The following COL2A1 variants were observed in gnomAD, a reference collection of about 807,000 sequenced individuals.
The protein encoded by COL2A1 is collagen alpha-1(II) chain.
Under a neutral mutation model 204.5 loss-of-function variants are expected in COL2A1, and 28 were observed. The observed-to-expected ratio is 0.14, with a 90% CI of 0.10 to 0.19. COL2A1 has a LOEUF of 0.19. Among genes scored for constraint, COL2A1 ranks in the 10% least tolerant of loss-of-function variants. The pLI, the probability that COL2A1 is intolerant of heterozygous loss-of-function variation, is 1.00. For missense variants in COL2A1, 1,388 were observed against 2,027.5 expected (o/e 0.68, Z 6.06); for synonymous variants, 708 against 718.7 (o/e 0.99, Z 0.24).
At chr12:47,984,414 G>A (rs1031790827) in intron 28 of COL2A1, 132 bp downstream of exon 28, 11 of 964,554 alleles carry the variant, frequency 1.1e-5, no homozygotes, top group Middle Eastern at 4.2e-4. Flanking sequence ...CAGCCAGCAT[G>A]GGGCTCAGCC....
rs765422577 is a variant in COL2A1 at position 47,980,527 on chromosome 12, C to A, written c.2625+27G>T. 4 of 1,566,158 alleles carry A rather than the reference C, an allele frequency of 2.6e-6. No homozygotes were observed. The highest frequency in any genetic ancestry group is 3.5e-6 in the Non-Finnish European group (4 of 1,150,216). On this transcript the variant is annotated intron_variant, in intron 39 of 53. Transcript: ENST00000380518. The surrounding 1 kb of genome is among the most constrained non-coding windows in gnomAD (Gnocchi z 4.5). ...CGCCAGGAGCCCTTCCTTGAGGGAA[C>A]AATTCTTGGAGTGCAGCGTTACCCA...
chr12:47,984,873 C>T, intron 27 of COL2A1, 122 bp downstream of exon 27: 1 of 882,480 alleles, frequency 1.1e-6, no homozygotes, highest in Admixed American at 2.0e-5. Context: ...ACCCATGGCA[C>T]AGGAGCCCCA....
In COL2A1 at chr12:48,004,220, G is replaced by A. The variant is rs1266788333; in HGVS notation, c.85+17C>T. On this transcript the variant is annotated intron_variant, in intron 1 of 53. Transcript: ENST00000380518. ...CATGGAAAGCAGGCAGGCAGGCAGGGGCGGGGGAAGACTTACGGACATCCT... is the reference window on the plus strand; with the variant it reads ...CATGGAAAGCAGGCAGGCAGGCAGGAGCGGGGGAAGACTTACGGACATCCT... 15 of 1,530,188 alleles carry A rather than the reference G, an allele frequency of 9.8e-6. No individual in the cohort carries two copies. Among genetic ancestry groups the A allele is most frequent in the Admixed American group, 2.0e-5 (1 of 50,942 alleles). 94.8% of individuals were successfully genotyped at this position (1,530,188 alleles called of 1,614,324 possible).
intron 16 of COL2A1, among the ~76,000 whole-genome samples, chr12:47,990,445 C>T (rs899923421): frequency 6.6e-6 from 1 of 152,226 alleles, no homozygotes; most frequent in Non-Finnish European, 1.5e-5. Flanking sequence ...AACAGCGAGG[C>T]AACCATGTGG....
At chr12:47,983,216 A>G (rs1335576201) in intron 31 of COL2A1, 79 bp from the exon 32 acceptor site, 8 of 1,536,256 alleles carry the variant, frequency 5.2e-6, no homozygotes, top group African/African-American at 1.4e-5. Flanking sequence ...GCAGGGCTGA[A>G]TATCACTCCT....
intron 11 of COL2A1, 100 bp from the exon 12 acceptor site, chr12:47,994,577 G>T: frequency 4.8e-6 from 6 of 1,262,564 alleles, no homozygotes; most frequent in Non-Finnish European, 6.8e-6. Flanking sequence ...CCATGCCTTT[G>T]CCTACCGGCT....
At chr12:47,977,041 G>C in intron 47 of COL2A1, 61 bp downstream of exon 47, 2 of 1,566,422 alleles carry the variant, frequency 1.3e-6, no homozygotes. Flanking sequence ...CCACCTGGAG[G>C]CTGGCTGCCC....
In COL2A1 at chr12:48,001,612, G is replaced by A. The variant is rs1940237017; in HGVS notation, c.86-1487C>T. On this transcript the variant is annotated intron_variant, in intron 1 of 53. Transcript: ENST00000380518. ...GTGCGGATCAGATTTCCCGGGGAAG[G>A]GCGGCCCGGGAAGCGCCGGCGCAGG... 2.6e-5 allele frequency among the ~76,000 whole-genome samples: 4 copies of A among 152,330 alleles called. No individual in the cohort carries two copies. In the South Asian group the frequency reaches 8.3e-4, roughly 32 times the overall value.
rs1277416658 is a variant in COL2A1, at chr12:47,980,595, C to T, written c.2584G>A (p.Ala862Thr). The change falls in exon 39 of 54, where the codon GCC (alanine) becomes ACC (threonine). Residue 862 changes from alanine to threonine, a missense_variant. Ala to Thr is a moderately conservative substitution (Grantham distance 58). This residue lies in a region of COL2A1 where 884 missense variants were observed against 1,415.8 expected (regional missense o/e 0.62). Coordinates refer to ENST00000380518, the MANE Select transcript of COL2A1 (RefSeq NM_001844.5). This position sits in a 1 kb window ranked among gnomAD's most constrained non-coding sequence, Gnocchi z 4.5. ...GEAGQKGDAG[A>T]PGPQGPSGAP... The stretch of plus-strand genomic sequence containing the variant: ...CCAGAGGGGCCCTGAGGACCAGGGG[C>T]ACCAGCATCGCCTTTCTGGCCGGCC... 1 of 1,612,598 alleles carries T rather than the reference C, an allele frequency of 6.2e-7. No individual in the cohort carries two copies. The highest frequency in any genetic ancestry group is 8.5e-7 in the Non-Finnish European group (1 of 1,179,648).
At chr12:47,979,700 G>A (rs1938931600) in intron 40 of COL2A1, 136 bp from the exon 41 acceptor site, 2 of 859,852 alleles carry the variant, frequency 2.3e-6, no homozygotes, top group Admixed American at 2.0e-5. Context: ...GGGGGATCCA[G>A]GGAGGGAGAA....
rs56010633 is a variant in COL2A1, at chr12:47,983,935, T to C, written c.1941+152A>G. On this transcript the variant is annotated intron_variant, in intron 29 of 53. Coordinates refer to ENST00000380518, the MANE Select transcript of COL2A1 (RefSeq NM_001844.5). ...ACCAATGTGGGTCCACACAGCCTCC[T>C]GGGACACCCTGCCTCAGCTCAGAGT... is the stretch of plus-strand genomic sequence containing the variant. 0.062 allele frequency: 57,722 copies of C among 937,316 alleles called. 2,174 individuals are homozygous for C. The highest frequency in any genetic ancestry group is 0.079 in the Non-Finnish European group (46,785 of 595,676). The allele number at this position is 937,316 out of a possible 1,614,324, so 58.1% of individuals were successfully genotyped here.
At chr12:47,989,358 A>T (rs1189833744) in intron 17 of COL2A1, 77 bp from the exon 18 acceptor site, 13 of 1,149,708 alleles carry the variant, frequency 1.1e-5, no homozygotes, top group Non-Finnish European at 1.7e-5. Context: ...GACACCTCAC[A>T]CTCCTTCCCT....
chr12:47,996,184 G>A (rs552231920), intron 8 of COL2A1, among the ~76,000 whole-genome samples: 18 of 152,238 alleles, frequency 1.2e-4, no homozygotes, highest in Non-Finnish European at 2.6e-4. Context: ...CATTTAGCAT[G>A]TGCCAAGTCA....
rs200223738 is a variant in COL2A1 at position 47,976,089 on chromosome 12, G to A, written c.3490-19C>T. ...GAGGACCCTGCAAGAGAGAGAGGTC[G>A]TGAGGAAAGAGTGGTCACCACAGGG... On this transcript the variant is annotated intron_variant, in intron 49 of 53. Coordinates refer to ENST00000380518, the MANE Select transcript of COL2A1 (RefSeq NM_001844.5). This position sits in a 1 kb window ranked among gnomAD's most constrained non-coding sequence, Gnocchi z 4.3. 1.4e-5 allele frequency: 22 copies of A among 1,578,328 alleles called. No homozygotes were observed. Among genetic ancestry groups the A allele is most frequent in the South Asian group, 6.6e-5 (6 of 90,338 alleles).
At chr12:47,984,390 A>T (rs976185372) in intron 28 of COL2A1, among the ~76,000 whole-genome samples, 156 bp downstream of exon 28, 4 of 152,076 alleles carry the variant, frequency 2.6e-5, no homozygotes, top group African/African-American at 7.2e-5. Flanking sequence ...CCCTGTGTAG[A>T]CACCCAAAGG....
At position 47,973,566 on chromosome 12, in the gene COL2A1, AAAG is replaced by A. The variant is rs1416980198; in HGVS notation, c.4318-16_4318-14del. Reference sequence around the variant, plus strand: ...TACCGGTATGTTTCTAGGGGAGAAAAAAGGAGGAGGCTCTGTTCAGTAGATGCC... The same window carrying A: ...TACCGGTATGTTTCTAGGGGAGAAAAGAGGAGGCTCTGTTCAGTAGATGCC... On this transcript the variant is annotated splice_polypyrimidine_tract_variant and intron_variant, in intron 53 of 53. Transcript: ENST00000380518. 3.1e-6 allele frequency: 5 copies of A among 1,613,882 alleles called. No homozygotes were observed. The highest frequency in any genetic ancestry group is 3.3e-5 in the Admixed American group (2 of 59,980).
intron 1 of COL2A1, chr12:48,001,102 T>A (rs990665415): frequency 6.6e-6 from 1 of 152,354 alleles, no homozygotes; most frequent in South Asian, 2.1e-4. Context: ...ATGCTGCAAA[T>A]GAAACCTGTG....
At chr12:47,983,930 C>A (rs1464723946) in intron 29 of COL2A1, 157 bp downstream of exon 29, 14 of 923,012 alleles carry the variant, frequency 1.5e-5, no homozygotes, top group Non-Finnish European at 1.9e-5. Flanking sequence ...GTCCACACAG[C>A]CTCCTGGGAC....
At chr12:48,003,998 T>C (rs1565702151) in intron 1 of COL2A1, 1 of 549,716 alleles carries the variant, frequency 1.8e-6, no homozygotes, top group African/African-American at 1.9e-5. Flanking sequence ...TAGCGCAACG[T>C]AGGGACCTGC....
Sources: allele counts gnomAD v4.1 joint callset (sites outside exome capture counted in the v4.1 genomes callset), GRCh38; gene constraint gnomAD v4.1.1; regional missense constraint gnomAD v4.1.1; non-coding constraint Gnocchi (gnomAD v3.1); transcripts MANE v1.5; gene names NCBI Gene and HGNC (gene_info 2026-07-23, HGNC 2026-07-21).